APOL3: variants seen among roughly 807,000 people sequenced by gnomAD.
APOL3 encodes apolipoprotein L3.
APOL3 carries 14 observed loss-of-function variants against 11.6 expected under a neutral mutation model. That is an observed-to-expected ratio of 1.21 (90% CI 0.80 to 1.89). The LOEUF (loss-of-function observed/expected upper bound fraction) is 1.89, where lower values mean the gene tolerates loss of function less well. APOL3 is among the 40% of genes most tolerant of loss of function. APOL3 has a pLI of 0.00. For missense variants in APOL3, 483 were observed against 492.1 expected (o/e 0.98, Z 0.17); for synonymous variants, 192 against 190.6 (o/e 1.01, Z -0.06).
upstream of APOL3, among the ~76,000 whole-genome samples, chr22:36,163,472 GTTTTGCAAT>G (rs2013783823): frequency 6.6e-6 from 1 of 152,162 alleles, no homozygotes; most frequent in South Asian, 2.1e-4. Context: ...TCTGAAGATC[GTTTTGCAAT>G]TTTTTTTCCT....
At chr22:36,159,215 A>G (rs1298611576) in intron 1 of APOL3, 1 of 152,144 alleles carries the variant, frequency 6.6e-6, no homozygotes, top group Non-Finnish European at 1.5e-5. Context: ...CTGGGCTGCA[A>G]TGTCAACTTT....
At chr22:36,145,571 G>C in exon 2 of APOL3, 2 of 1,613,860 alleles carry the variant, frequency 1.2e-6, no homozygotes, top group African/African-American at 1.3e-5. Flanking sequence ...GGAAGTATTT[G>C]GTGGCCTCTT....
At chr22:36,150,627 T>C (rs552504771) in intron 1 of APOL3, among the ~76,000 whole-genome samples, 1 of 152,220 alleles carries the variant, frequency 6.6e-6, no homozygotes, top group East Asian at 1.9e-4. Context: ...TCCCAGCAAT[T>C]TGGGAGACCG....
intron 1 of APOL3, chr22:36,156,027 G>T: frequency 3.7e-6 from 1 of 270,410 alleles, no homozygotes; most frequent in East Asian, 1.0e-4. Flanking sequence ...AAGTGGCTGT[G>T]GGGCCTCCTC....
chr22:36,152,906 C>T (rs1271774146), intron 1 of APOL3, among the ~76,000 whole-genome samples: 2 of 152,092 alleles, frequency 1.3e-5, no homozygotes, highest in African/African-American at 4.8e-5. Flanking sequence ...GTTGGGAGTT[C>T]GAGAGCAGCC....
upstream of APOL3, among the ~76,000 whole-genome samples, chr22:36,162,246 C>T (rs1231887200): frequency 6.6e-6 from 1 of 152,100 alleles, no homozygotes; most frequent in Non-Finnish European, 1.5e-5. Context: ...TCTAAGACCC[C>T]CCTAACTGAT....
chr22:36,156,369 G>A (rs1013307188), intron 1 of APOL3, among the ~76,000 whole-genome samples: 1 of 152,136 alleles, frequency 6.6e-6, no homozygotes, highest in Non-Finnish European at 1.5e-5. Flanking sequence ...CATTAGCACG[G>A]GAATTACAGC....
At chr22:36,145,346 A>G (rs28499166) in intron 2 of APOL3, 127 bp downstream of exon 3, 3 of 1,217,106 alleles carry the variant, frequency 2.5e-6, no homozygotes, top group Non-Finnish European at 3.5e-6. Context: ...GACTGCTGAG[A>G]GGGACATTCT....
chr22:36,144,861 A>G (rs1046798472), intron 2 of APOL3, among the ~76,000 whole-genome samples: 1 of 151,978 alleles, frequency 6.6e-6, no homozygotes, highest in South Asian at 2.1e-4. Flanking sequence ...TACAAAAAAA[A>G]ATAGCCGGAT....
chr22:36,160,547 G>T, intron 1 of APOL3, 122 bp downstream of exon 1: 1 of 1,027,452 alleles, frequency 9.7e-7, no homozygotes, highest in Non-Finnish European at 1.5e-6. Context: ...CATGGACCGA[G>T]ATGTGACCTC....
At position 36,145,246 on chromosome 22, in the gene APOL3, C is replaced by A. The variant is rs1222709280; in HGVS notation, c.350+227G>T. Among the ~76,000 whole-genome samples, 4 of 152,304 alleles carry A rather than the reference C, an allele frequency of 2.6e-5. No homozygotes were observed. In the East Asian group the frequency reaches 5.8e-4, roughly 22 times the overall value. On this transcript the variant is annotated intron_variant, in intron 2 of 2. Transcript: ENST00000349314. The stretch of plus-strand genomic sequence containing the variant: ...CAAAGCTCCCATCACCAGTAGATGG[C>A]AGAACTGACCCTGCCCTTGTGGGCT...
chr22:36,143,892 C>T (rs2060092029), intron 2 of APOL3, among the ~76,000 whole-genome samples: 1 of 152,296 alleles, frequency 6.6e-6, no homozygotes, highest in Non-Finnish European at 1.5e-5. Flanking sequence ...CTGAAAAGAC[C>T]TGCATTTGGA....
In APOL3 at chr22:36,142,988, G is replaced by C. The variant is rs577786957; in HGVS notation, c.351-930C>G. The stretch of plus-strand genomic sequence containing the variant: ...CTCCTTACCTGCCTTTAGTTGAGCA[G>C]CTTGTTAGGCCAGTTTAGCAGAAAC... On this transcript the variant is annotated intron_variant, in intron 2 of 2. Coordinates refer to ENST00000349314, the Ensembl canonical transcript of APOL3. 3.3e-5 allele frequency among the ~76,000 whole-genome samples: 5 copies of C among 152,336 alleles called. No individual in the cohort carries two copies. In the South Asian group the frequency reaches 1.0e-3, roughly 32 times the overall value.
intron 1 of APOL3, chr22:36,153,351 A>G: frequency 2.2e-6 from 1 of 455,810 alleles, no homozygotes; most frequent in Non-Finnish European, 4.4e-6. Flanking sequence ...GCAAGTGCCA[A>G]AGAGAAATAC....
intron 2 of APOL3, among the ~76,000 whole-genome samples, chr22:36,143,391 T>C (rs2060074302): frequency 6.6e-6 from 1 of 152,228 alleles, no homozygotes; most frequent in Non-Finnish European, 1.5e-5. Context: ...CAGTTATCAG[T>C]GAGTTACGTA....
exon 1 of APOL3, chr22:36,160,907 AC>A (rs1704803668): frequency 6.2e-7 from 1 of 1,609,182 alleles, no homozygotes; most frequent in South Asian, 1.1e-5. Context: ...GTCCAGCAGC[AC>A]CCTTGGTCCC....
At chr22:36,141,742 C>T (rs2060002733) in exon 3 of APOL3, 3 of 1,614,022 alleles carry the variant, frequency 1.9e-6, no homozygotes, top group Non-Finnish European at 2.5e-6. Flanking sequence ...AGCCCTACCC[C>T]AGCTGCAGTA....
upstream of APOL3, chr22:36,165,017 G>A (rs1426168345): frequency 6.6e-6 from 1 of 152,068 alleles, no homozygotes; most frequent in Non-Finnish European, 1.5e-5. Flanking sequence ...TAGAAACAAG[G>A]CATATCTCTG....
chr22:36,142,741 T>C (rs2060045072), intron 2 of APOL3, among the ~76,000 whole-genome samples: 1 of 152,126 alleles, frequency 6.6e-6, no homozygotes, highest in Non-Finnish European at 1.5e-5. Context: ...CAGAAAGAGC[T>C]CTGTACATTG....
Sources: gnomAD v4.1 joint callset for allele counts (sites outside exome capture counted in the v4.1 genomes callset) on GRCh38, gnomAD v4.1.1 for gene constraint, MANE v1.5 for transcripts, NCBI Gene and HGNC (gene_info 2026-07-23, HGNC 2026-07-21) for gene names.